Variants in ADGRL2 observed in about 807,000 individuals in gnomAD.
ADGRL2 encodes the protein calcium-independent alpha-latrotoxin receptor 2.
A neutral mutation model predicts 157.4 loss-of-function variants in ADGRL2; 44 were observed. The observed-to-expected ratio is 0.28, with a 90% CI of 0.22 to 0.36. ADGRL2 has a LOEUF of 0.36. ADGRL2 is among the 10% of genes least tolerant of loss of function. ADGRL2 has a pLI of 1.00. For missense variants in ADGRL2, 1,510 were observed against 1,768.9 expected (o/e 0.85, Z 2.63); for synonymous variants, 585 against 624.7 (o/e 0.94, Z 0.95).
chr1:81,785,723 G>A (rs867036964), intron 2 of ADGRL2, among the ~76,000 whole-genome samples: 1 of 151,820 alleles, frequency 6.6e-6, no homozygotes, highest in Non-Finnish European at 1.5e-5. Flanking sequence ...GTGAGACCCC[G>A]TGTCTAAAAA....
At chr1:81,327,926 T>C (rs1661007458) in intron 1 of ADGRL2, among the ~76,000 whole-genome samples, 1 of 152,138 alleles carries the variant, frequency 6.6e-6, no homozygotes, top group Non-Finnish European at 1.5e-5. Flanking sequence ...TGCGTTAGAT[T>C]TGAATAACCC....
At chr1:81,322,103 T>C (rs1173731989) in intron 1 of ADGRL2, among the ~76,000 whole-genome samples, 1 of 119,678 alleles carries the variant, frequency 8.4e-6, no homozygotes, top group African/African-American at 2.8e-5. Flanking sequence ...TATATATATA[T>C]ATATATACAC....
intron 1 of ADGRL2, among the ~76,000 whole-genome samples, chr1:81,408,254 T>C (rs1258889931): frequency 6.6e-6 from 1 of 152,186 alleles, no homozygotes; most frequent in African/African-American, 2.4e-5. Flanking sequence ...AATTTTTCAT[T>C]TTGTGAAATT....
intron 2 of ADGRL2, among the ~76,000 whole-genome samples, chr1:81,789,739 T>C (rs1226108217): frequency 6.7e-6 from 1 of 149,570 alleles, no homozygotes. Context: ...AAAACAGGAA[T>C]GTAAACAAAA....
At chr1:81,476,900 A>G (rs1272802277) in intron 2 of ADGRL2, among the ~76,000 whole-genome samples, 5 of 152,114 alleles carry the variant, frequency 3.3e-5, no homozygotes, top group Non-Finnish European at 7.4e-5. Context: ...CATCGATTAA[A>G]CTGTATTTTT....
intron 2 of ADGRL2, among the ~76,000 whole-genome samples, chr1:81,578,028 C>T (rs925114775): frequency 6.6e-6 from 1 of 152,148 alleles, no homozygotes; most frequent in South Asian, 2.1e-4. Flanking sequence ...CAAAGGCTGG[C>T]ACTAGCTTTC....
chr1:81,324,523 C>A (rs1401711336), intron 1 of ADGRL2, among the ~76,000 whole-genome samples: 1 of 148,496 alleles, frequency 6.7e-6, no homozygotes, highest in Non-Finnish European at 1.5e-5. Context: ...AAAAAAAAAT[C>A]TATCTATATA....
intron 1 of ADGRL2, among the ~76,000 whole-genome samples, chr1:81,325,553 G>T (rs1041099486): frequency 1.3e-5 from 2 of 152,188 alleles, no homozygotes; most frequent in African/African-American, 4.8e-5. Context: ...GCAGCTATTG[G>T]CTATTTACCA....
intron 3 of ADGRL2, among the ~76,000 whole-genome samples, chr1:81,618,722 A>G (rs985759697): frequency 2.6e-5 from 4 of 152,228 alleles, no homozygotes; most frequent in Non-Finnish European, 5.9e-5. Flanking sequence ...GTTCTACACT[A>G]TCTGCAGAAG....
At chr1:81,800,439 G>A (rs2087862366), upstream of ADGRL2, 1 of 152,086 alleles carries the variant, frequency 6.6e-6, no homozygotes, top group African/African-American at 2.4e-5. Context: ...TTACACAAAA[G>A]GAGGGCTACG....
chr1:81,901,740 C>G (rs998415973), intron 2 of ADGRL2, among the ~76,000 whole-genome samples: 3 of 151,934 alleles, frequency 2.0e-5, no homozygotes, highest in Admixed American at 2.0e-4. Context: ...ATACTAATTG[C>G]AATAATTTTA....
chr1:81,498,515 A>G (rs918512629), intron 2 of ADGRL2, among the ~76,000 whole-genome samples: 1 of 152,098 alleles, frequency 6.6e-6, no homozygotes, highest in African/African-American at 2.4e-5. Flanking sequence ...TCTCCCCCAT[A>G]CTGGACCGAC....
At chr1:81,370,567 G>A (rs367859252) in intron 1 of ADGRL2, among the ~76,000 whole-genome samples, 16 of 152,048 alleles carry the variant, frequency 1.1e-4, no homozygotes, top group Middle Eastern at 3.4e-3. Context: ...TTAAATATAG[G>A]CATCCTAAAA....
intron 1 of ADGRL2, among the ~76,000 whole-genome samples, chr1:81,343,413 T>G (rs7515619): frequency 0.37 from 55,487 of 151,990 alleles, 10,496 homozygotes; most frequent in African/African-American, 0.44. Context: ...TAACAATAAA[T>G]TGTTATATTT....
intron 2 of ADGRL2, among the ~76,000 whole-genome samples, chr1:81,777,687 C>G (rs1394618985): frequency 6.6e-6 from 1 of 152,110 alleles, no homozygotes; most frequent in East Asian, 1.9e-4. Context: ...CACCTGAGCT[C>G]AGGAGGCATA....
intron 2 of ADGRL2, among the ~76,000 whole-genome samples, chr1:81,885,164 A>G (rs1462589050): frequency 1.3e-5 from 2 of 152,166 alleles, no homozygotes; most frequent in Non-Finnish European, 2.9e-5. Flanking sequence ...AGTGAAGGAA[A>G]ACTGTTTTTA....
intron 1 of ADGRL2, among the ~76,000 whole-genome samples, chr1:81,801,339 A>G (rs1475860990): frequency 2.0e-5 from 3 of 152,160 alleles, no homozygotes; most frequent in African/African-American, 4.8e-5. Context: ...TGGGGGAAGG[A>G]GGAGGAGGAG....
intron 3 of ADGRL2, among the ~76,000 whole-genome samples, chr1:81,914,360 A>G (rs942437123): frequency 1.8e-4 from 27 of 152,246 alleles, no homozygotes; most frequent in African/African-American, 6.5e-4. Flanking sequence ...TCAAAGGGAA[A>G]AATTAGTGCA....
rs535276589 is a variant in ADGRL2, at chr1:81,501,811, A to G, written c.-248+56722A>G. The G allele has an allele frequency of 1.7e-3, 2,725 of 1,557,568 alleles. 29 individuals are homozygous for G. Among genetic ancestry groups the G allele is most frequent in the Admixed American group, 4.6e-3 (250 of 54,516 alleles). ...AGCAGCAGCAGCAGCAGCAGCAGCAACAGCAGCAGCAACAGAAGCAGCCAC... is the reference window on the plus strand; with the variant it reads ...AGCAGCAGCAGCAGCAGCAGCAGCAGCAGCAGCAGCAACAGAAGCAGCCAC... On this transcript the variant is annotated intron_variant, in intron 2 of 24. Coordinates refer to the ADGRL2 transcript ENST00000370721.
Sources: allele counts gnomAD v4.1 joint callset (sites outside exome capture counted in the v4.1 genomes callset), GRCh38; gene constraint gnomAD v4.1.1; transcripts MANE v1.5; gene names NCBI Gene and HGNC (gene_info 2026-07-23, HGNC 2026-07-21).